GRM2: variants seen among roughly 807,000 people sequenced by gnomAD.
The protein encoded by GRM2 is glutamate metabotropic receptor 2.
In GRM2, 35 loss-of-function variants were observed where a neutral mutation model predicts 60.4. The observed-to-expected ratio is 0.58, with a 90% CI of 0.44 to 0.77. The LOEUF (loss-of-function observed/expected upper bound fraction) is 0.77. Among genes scored for constraint, GRM2 ranks in the 30% least tolerant of loss-of-function variants. The pLI, the probability that GRM2 is intolerant of heterozygous loss-of-function variation, is 0.00. For synonymous variants in GRM2, 437 were observed against 484.1 expected, an observed-to-expected ratio of 0.90 and a Z score of 1.28; for missense variants, 925 against 1,199.5, an observed-to-expected ratio of 0.77 and a Z score of 3.38.
Position 51,715,076 on chromosome 3 carries a change from G to C in GRM2, c.1303G>C (p.Ala435Pro). The C allele has an allele frequency of 6.4e-7, 1 of 1,552,796 alleles. No homozygotes were observed. Among genetic ancestry groups the C allele is most frequent in the Non-Finnish European group, 8.7e-7 (1 of 1,144,542 alleles). The change falls in exon 4 of 6, where the codon GCT (alanine) becomes CCT (proline). Residue 435 changes from alanine (A) to proline (P), a missense_variant. Ala to Pro is a conservative substitution (Grantham distance 27, BLOSUM62 -1). Transcript: ENST00000395052. The surrounding 1 kb of genome is among the most constrained non-coding windows in gnomAD (Gnocchi z 9.0). ...NVKFDAPFRPADTHNEVRFDR... is the reference protein window; with the variant it reads ...NVKFDAPFRPPDTHNEVRFDR... Reference sequence around the variant, plus strand: ...CCCCATCCTAGCCCCCTTTCGCCCAGCTGACACCCACAATGAGGTCCGCTT... The same window carrying C: ...CCCCATCCTAGCCCCCTTTCGCCCACCTGACACCCACAATGAGGTCCGCTT...
Position 51,718,311 on chromosome 3 carries a change from T to G in GRM2, c.*199T>G. 1 of 599,260 alleles carries G rather than the reference T, an allele frequency of 1.7e-6. No homozygotes were observed. The highest frequency in any genetic ancestry group is 1.9e-5 in the South Asian group (1 of 52,570). The allele number at this position is 599,260 out of a possible 1,614,324, so 37.1% of individuals were successfully genotyped here. The stretch of plus-strand genomic sequence containing the variant: ...GAGCCTTGGCCAGGAGCCTCTGCAG[T>G]GGCCACTAACTGCCCTTGTAGCTGT... On this transcript the variant is annotated 3_prime_UTR_variant, in exon 6 of 6. Transcript: ENST00000395052. This position sits in a 1 kb window ranked among gnomAD's most constrained non-coding sequence, Gnocchi z 4.2.
At position 51,713,287 on chromosome 3, in the gene GRM2, T is replaced by C; in HGVS notation, c.1265T>C (p.Phe422Ser). 1.2e-6 allele frequency: 2 copies of C among 1,609,854 alleles called. No homozygotes were observed. The highest frequency in any genetic ancestry group is 1.7e-6 in the Non-Finnish European group (2 of 1,177,596). ...AACGGGCGCCGCCTCTACAAGGACT[T>C]TGTGCTCAACGTCAAGTTTGATGGT... ...PVNGRRLYKD[F>S]VLNVKFDAPF... Residue 422 changes from phenylalanine to serine, a missense_variant, in exon 3 of 6, where the codon TTT becomes TCT. By Grantham distance (155) the Phe-to-Ser change is radical. Transcript: ENST00000395052. This position sits in a 1 kb window ranked among gnomAD's most constrained non-coding sequence, Gnocchi z 4.8.
In GRM2 at chr3:51,713,249, G is replaced by A. The variant is rs200345547; in HGVS notation, c.1227G>A (p.Ala409=). The A allele has an allele frequency of 3.9e-5, 63 of 1,613,006 alleles. No homozygotes were observed. Among genetic ancestry groups the A allele is most frequent in the South Asian group, 3.3e-4 (30 of 91,080 alleles). The change falls in exon 3 of 6, where the codon GCG becomes GCA. Residue 409 remains alanine (A), a synonymous_variant. Coordinates refer to ENST00000395052, the MANE Select transcript of GRM2 (RefSeq NM_000839.5). This position sits in a 1 kb window ranked among gnomAD's most constrained non-coding sequence, Gnocchi z 4.8. ...LCPNTTRLCD[A]MRPVNGRRLY... ...CCAACACCACCCGGCTCTGTGACGCGATGCGGCCAGTTAACGGGCGCCGCC... is the reference window on the plus strand; with the variant it reads ...CCAACACCACCCGGCTCTGTGACGCAATGCGGCCAGTTAACGGGCGCCGCC...
intron 3 of GRM2, chr3:51,714,079 G>A: frequency 2.5e-6 from 1 of 403,368 alleles, no homozygotes; most frequent in South Asian, 1.8e-5. Flanking sequence ...GGGAACAGTG[G>A]GAGACAAAGC....
Position 51,709,080 on chromosome 3 carries a change from G to T in GRM2, c.97G>T (p.Val33Leu). The change falls in exon 2 of 6, where the codon GTG becomes TTG. Residue 33 changes from valine (V) to leucine (L), a missense_variant. Val to Leu is a conservative substitution (Grantham distance 32). Coordinates refer to ENST00000395052, the MANE Select transcript of GRM2 (RefSeq NM_000839.5). Reference sequence around the variant, plus strand: ...GGTGCTGACCCTGGAGGGAGACTTGGTGCTGGGTGGGCTGTTCCCAGTGCA... The same window carrying T: ...GGTGCTGACCCTGGAGGGAGACTTGTTGCTGGGTGGGCTGTTCCCAGTGCA... ...KKVLTLEGDL[V>L]LGGLFPVHQK... is the part of the protein sequence containing the mutation. 3.7e-6 allele frequency: 6 copies of T among 1,608,886 alleles called. No homozygotes were observed. The South Asian group carries it at 4.4e-5, about 12-fold the overall frequency.
rs5848933 is a variant in GRM2, at chr3:51,717,120, GCA to G, written c.2365-501_2365-500del. Among the ~76,000 whole-genome samples, 7 of 150,170 alleles carry G rather than the reference GCA, an allele frequency of 4.7e-5. No homozygotes were observed. Among genetic ancestry groups the G allele is most frequent in the South Asian group, 2.1e-4 (1 of 4,734 alleles). On this transcript the variant is annotated intron_variant, in intron 4 of 5. Coordinates refer to ENST00000395052, the MANE Select transcript of GRM2 (RefSeq NM_000839.5). The surrounding 1 kb of genome is among the most constrained non-coding windows in gnomAD (Gnocchi z 6.0). Reference sequence around the variant, plus strand: ...ACACACACCGTACCCACACATGCATGCACACACACACACACACTTGTACACAC... The same window carrying G: ...ACACACACCGTACCCACACATGCATGCACACACACACACACTTGTACACAC...
In GRM2 at chr3:51,709,083, C is replaced by T. The variant is rs1467929721; in HGVS notation, c.100C>T (p.Leu34=). The T allele has an allele frequency of 1.2e-6, 2 of 1,608,758 alleles. No individual in the cohort carries two copies. The highest frequency in any genetic ancestry group is 1.1e-5 in the South Asian group (1 of 91,022). ...KVLTLEGDLV[L]GGLFPVHQKG... Reference sequence around the variant, plus strand: ...GCTGACCCTGGAGGGAGACTTGGTGCTGGGTGGGCTGTTCCCAGTGCACCA... The same window carrying T: ...GCTGACCCTGGAGGGAGACTTGGTGTTGGGTGGGCTGTTCCCAGTGCACCA... Residue 34 remains leucine (L), a synonymous_variant, in exon 2 of 6, where the codon CTG becomes TTG. Transcript: ENST00000395052.
chr3:51,716,084 A>G lies in GRM2; in HGVS notation c.2311A>G (p.Ile771Val), dbSNP rs1021963271. 2 of 1,614,234 alleles carry G rather than the reference A, an allele frequency of 1.2e-6. No individual in the cohort carries two copies. The highest frequency in any genetic ancestry group is 1.7e-6 in the Non-Finnish European group (2 of 1,180,036). ...TGGCTTCACCATGTACACCACCTGC[A>G]TCATCTGGCTGGCATTCCTGCCCAT... ...FIGFTMYTTC[I>V]IWLAFLPIFY... The change falls in exon 4 of 6, where the codon ATC becomes GTC. Residue 771 changes from isoleucine (I) to valine (V), a missense_variant. Transcript: ENST00000395052. This position sits in a 1 kb window ranked among gnomAD's most constrained non-coding sequence, Gnocchi z 4.0.
In GRM2 at chr3:51,717,309, A is replaced by C. The variant is rs1458647320; in HGVS notation, c.2365-328A>C. Among the ~76,000 whole-genome samples, 1 of 152,052 alleles carries C rather than the reference A, an allele frequency of 6.6e-6. No individual in the cohort carries two copies. Among genetic ancestry groups the C allele is most frequent in the Non-Finnish European group, 1.5e-5 (1 of 68,000 alleles). On this transcript the variant is annotated intron_variant, in intron 4 of 5. Transcript: ENST00000395052. The surrounding 1 kb of genome is among the most constrained non-coding windows in gnomAD (Gnocchi z 6.0). ...CACCTGCAGAAATTCACCACCCCAC[A>C]TACATGCACTTACACAGATATACAC...
rs955697586 is a variant in GRM2 at position 51,712,050 on chromosome 3, A to G, written c.451-423A>G. 1.8e-4 allele frequency among the ~76,000 whole-genome samples: 28 copies of G among 152,156 alleles called. No individual in the cohort carries two copies. Among genetic ancestry groups the G allele is most frequent in the Non-Finnish European group, 4.0e-4 (27 of 68,020 alleles). ...CCTTCTTTCTGTATCATTCCATCAG[A>G]TTGATTCAGGGGAAGGGCCACCTAC... On this transcript the variant is annotated intron_variant, in intron 2 of 5. Coordinates refer to ENST00000395052, the MANE Select transcript of GRM2 (RefSeq NM_000839.5). The surrounding 1 kb of genome is among the most constrained non-coding windows in gnomAD (Gnocchi z 5.3).
Position 51,712,777 on chromosome 3 carries a change from G to T in GRM2, c.755G>T (p.Gly252Val), listed in dbSNP as rs1176762023. Reference sequence around the variant, plus strand: ...GCCATGAGCCGCGCGGCCTTTGAGGGTGTGGTGCGAGCCCTGCTGCAGAAG... The same window carrying T: ...GCCATGAGCCGCGCGGCCTTTGAGGTTGTGGTGCGAGCCCTGCTGCAGAAG... ...GRAMSRAAFE[G>V]VVRALLQKPS... Residue 252 changes from glycine to valine, a missense_variant, in exon 3 of 6, where the codon GGT becomes GTT. By Grantham distance (109) the Gly-to-Val change is moderately radical (BLOSUM62 -3). Coordinates refer to ENST00000395052, the MANE Select transcript of GRM2 (RefSeq NM_000839.5). This position sits in a 1 kb window ranked among gnomAD's most constrained non-coding sequence, Gnocchi z 5.3. 1 of 1,613,124 alleles carries T rather than the reference G, an allele frequency of 6.2e-7. No homozygotes were observed.
At position 51,712,470 on chromosome 3, in the gene GRM2, C is replaced by G. The variant is rs753848812; in HGVS notation, c.451-3C>G. 7 of 1,601,810 alleles carry G rather than the reference C, an allele frequency of 4.4e-6. No individual in the cohort carries two copies. Among genetic ancestry groups the G allele is most frequent in the Non-Finnish European group, 6.0e-6 (7 of 1,170,038 alleles). ...ATCTTTGCCTTCTCTACTCCTCCCC[C>G]AGGTGGCCAACCTCTTGAGGCTATT... On this transcript the variant is annotated splice_polypyrimidine_tract_variant and splice_region_variant and intron_variant, in intron 2 of 5. Coordinates refer to ENST00000395052, the MANE Select transcript of GRM2 (RefSeq NM_000839.5). The surrounding 1 kb of genome is among the most constrained non-coding windows in gnomAD (Gnocchi z 5.3).
At position 51,708,884 on chromosome 3, in the gene GRM2, C is replaced by A; in HGVS notation, c.-100C>A. ...CTTCGCATCTCTCTTCTTGTCTGTC[C>A]TTTCCTGGTCCCTGTTTCCTCCTCT... is the stretch of plus-strand genomic sequence containing the variant. On this transcript the variant is annotated 5_prime_UTR_variant, in exon 2 of 6. Transcript: ENST00000395052. The A allele has an allele frequency of 2.3e-6, 2 of 883,502 alleles. 1 individual carries two copies. Among genetic ancestry groups the A allele is most frequent in the South Asian group, 3.6e-5 (2 of 55,328 alleles). 54.7% of individuals were successfully genotyped at this position (883,502 alleles called of 1,614,324 possible).
rs778870495 is a variant in GRM2 at position 51,713,141 on chromosome 3, G to C, written c.1119G>C (p.Glu373Asp). 1 of 1,613,192 alleles carries C rather than the reference G, an allele frequency of 6.2e-7. No individual in the cohort carries two copies. The highest frequency in any genetic ancestry group is 1.7e-5 in the Admixed American group (1 of 60,034). ...AAHSLRAVPF[E>D]QESKIMFVVN... ...ACTCTCTCCGGGCTGTGCCCTTTGAGCAGGAGTCCAAGATCATGTTTGTGG... is the reference window on the plus strand; with the variant it reads ...ACTCTCTCCGGGCTGTGCCCTTTGACCAGGAGTCCAAGATCATGTTTGTGG... Residue 373 changes from glutamate to aspartate, a missense_variant, in exon 3 of 6, where the codon GAG becomes GAC. Transcript: ENST00000395052. This position sits in a 1 kb window ranked among gnomAD's most constrained non-coding sequence, Gnocchi z 4.8.
Position 51,718,225 on chromosome 3 carries a change from T to C in GRM2, c.*113T>C, listed in dbSNP as rs1703974347. The C allele has an allele frequency of 3.4e-6, 3 of 883,526 alleles. No individual in the cohort carries two copies. The highest frequency in any genetic ancestry group is 1.6e-5 in the African/African-American group (1 of 61,090). 54.7% of individuals were successfully genotyped at this position (883,526 alleles called of 1,614,324 possible). The stretch of plus-strand genomic sequence containing the variant: ...CTGCAATAATTTATTACCCACCCTA[T>C]GTCTGCCCCCAAAGTCACTTACCCA... On this transcript the variant is annotated 3_prime_UTR_variant, in exon 6 of 6. Transcript: ENST00000395052. The surrounding 1 kb of genome is among the most constrained non-coding windows in gnomAD (Gnocchi z 4.2).
chr3:51,718,116 C>T lies in GRM2; in HGVS notation c.*4C>T. ...CTCGACAACGTCATCGCTTTGAAGA[C>T]CCCATACTCCCGCCCTGACACAGCT... On this transcript the variant is annotated 3_prime_UTR_variant, in exon 6 of 6. Transcript: ENST00000395052. The surrounding 1 kb of genome is among the most constrained non-coding windows in gnomAD (Gnocchi z 4.2). 6.2e-7 allele frequency: 1 copy of T among 1,612,350 alleles called. No homozygotes were observed. Among genetic ancestry groups the T allele is most frequent in the Non-Finnish European group, 8.5e-7 (1 of 1,178,334 alleles).
At position 51,715,522 on chromosome 3, in the gene GRM2, C is replaced by G. The variant is rs1054625; in HGVS notation, c.1749C>G (p.Leu583=). ...CCTGCCTCGGTGCCCTGGCCACCCTCTTTGTGCTGGGTGTCTTTGTGCGGC... is the reference window on the plus strand; with the variant it reads ...CCTGCCTCGGTGCCCTGGCCACCCTGTTTGTGCTGGGTGTCTTTGTGCGGC... ...TIACLGALAT[L]FVLGVFVRHN... The change falls in exon 4 of 6, where the codon CTC becomes CTG. Residue 583 remains leucine (L), a synonymous_variant. Coordinates refer to ENST00000395052, the MANE Select transcript of GRM2 (RefSeq NM_000839.5). This position sits in a 1 kb window ranked among gnomAD's most constrained non-coding sequence, Gnocchi z 9.0. 3.1e-6 allele frequency: 5 copies of G among 1,613,430 alleles called. No individual in the cohort carries two copies. The highest frequency in any genetic ancestry group is 1.6e-4 in the Middle Eastern group (1 of 6,084).
Position 51,718,025 on chromosome 3 carries a change from C to T in GRM2, c.2546-14C>T, listed in dbSNP as rs763326562. The T allele has an allele frequency of 1.9e-6, 3 of 1,613,510 alleles. No homozygotes were observed. Among genetic ancestry groups the T allele is most frequent in the South Asian group, 1.1e-5 (1 of 91,060 alleles). On this transcript the variant is annotated splice_polypyrimidine_tract_variant and intron_variant, in intron 5 of 5. Transcript: ENST00000395052. This position sits in a 1 kb window ranked among gnomAD's most constrained non-coding sequence, Gnocchi z 4.2. ...CCTCGGGATTGGCCCCAACCTCTGG[C>T]TTCCTTTTCTTAGGGTCTGGCTCCC...
chr3:51,717,521 C>A lies in GRM2; in HGVS notation c.2365-116C>A. 1 of 780,760 alleles carries A rather than the reference C, an allele frequency of 1.3e-6. No homozygotes were observed. Among genetic ancestry groups the A allele is most frequent in the Non-Finnish European group, 2.1e-6 (1 of 481,478 alleles). The allele number at this position is 780,760 out of a possible 1,614,324, so 48.4% of individuals were successfully genotyped here. ...GCTTTGGGATCCGGCAAATGGACCA[C>A]AGCCCAGTGTTGGATGCTTAGTCTC... On this transcript the variant is annotated intron_variant, in intron 4 of 5. Coordinates refer to ENST00000395052, the MANE Select transcript of GRM2 (RefSeq NM_000839.5). This position sits in a 1 kb window ranked among gnomAD's most constrained non-coding sequence, Gnocchi z 6.0.
Sources: gnomAD v4.1 joint callset for allele counts (sites outside exome capture counted in the v4.1 genomes callset) on GRCh38, gnomAD v4.1.1 for gene constraint, Gnocchi (gnomAD v3.1) non-coding constraint, MANE v1.5 for transcripts, NCBI Gene and HGNC (gene_info 2026-07-23, HGNC 2026-07-21) for gene names.